The following SUGCT variants were observed in gnomAD, a reference collection of about 807,000 sequenced individuals.
SUGCT encodes the protein succinyl-CoA:glutarate CoA-transferase.
In SUGCT, 41 loss-of-function variants were observed where a neutral mutation model predicts 55.0. That is an observed-to-expected ratio of 0.74 (90% CI 0.58 to 0.97). SUGCT has a LOEUF of 0.97. Among genes scored for constraint, SUGCT ranks in the 50% least tolerant of loss-of-function variants. SUGCT has a pLI of 0.00. For missense variants in SUGCT, 568 were observed against 547.8 expected (o/e 1.04, Z -0.37); for synonymous variants, 187 against 200.4 (o/e 0.93, Z 0.56).
intron 12 of SUGCT, among the ~76,000 whole-genome samples, chr7:40,665,995 A>G (rs1801609996): frequency 6.6e-6 from 1 of 152,066 alleles, no homozygotes; most frequent in African/African-American, 2.4e-5. Context: ...TAGAGAGAAT[A>G]GGATTTGATC....
chr7:40,505,394 TTA>T (rs1334328424), intron 12 of SUGCT, among the ~76,000 whole-genome samples: 6 of 152,126 alleles, frequency 3.9e-5, no homozygotes, highest in Non-Finnish European at 8.8e-5. Context: ...CCATTTTGCT[TTA>T]TGTTTTCTAT....
chr7:40,253,847 T>C (rs1444407768), intron 7 of SUGCT, among the ~76,000 whole-genome samples: 1 of 152,244 alleles, frequency 6.6e-6, no homozygotes, highest in African/African-American at 2.4e-5. Flanking sequence ...ACTAGATTCT[T>C]AGTTAGTTCA....
chr7:40,465,694 TA>T (rs1790066753), intron 11 of SUGCT, among the ~76,000 whole-genome samples: 1 of 152,134 alleles, frequency 6.6e-6, no homozygotes, highest in Non-Finnish European at 1.5e-5. Context: ...TGAATAGATT[TA>T]TACAAAATAC....
At chr7:40,357,662 T>C (rs995415683) in intron 9 of SUGCT, among the ~76,000 whole-genome samples, 4 of 152,248 alleles carry the variant, frequency 2.6e-5, no homozygotes, top group Non-Finnish European at 5.9e-5. Flanking sequence ...CACTGACATT[T>C]CAATTGCATG....
At chr7:40,946,895 CTT>C in the SUGCT span, among the ~76,000 whole-genome samples, 1 of 152,210 alleles carries the variant, frequency 6.6e-6, no homozygotes, top group South Asian at 2.1e-4. Context: ...AGGCTTCTCT[CTT>C]TGGTTTATCC....
chr7:40,406,155 G>A (rs1191622212), intron 9 of SUGCT, among the ~76,000 whole-genome samples: 2 of 152,154 alleles, frequency 1.3e-5, no homozygotes, highest in African/African-American at 4.8e-5. Flanking sequence ...AGCTGAAGCT[G>A]TCTTCTTGCT....
chr7:40,246,599 CTTTT>C (rs113716606), intron 7 of SUGCT, among the ~76,000 whole-genome samples: 2 of 137,320 alleles, frequency 1.5e-5, no homozygotes, highest in African/African-American at 5.4e-5. Context: ...TGAAGGCTTG[CTTTT>C]TTTTTTTTTT....
At chr7:40,526,924 G>A (rs944988749) in intron 12 of SUGCT, among the ~76,000 whole-genome samples, 1 of 151,898 alleles carries the variant, frequency 6.6e-6, no homozygotes, top group African/African-American at 2.4e-5. Flanking sequence ...ATGATGTTCG[G>A]GTCTATCTTG....
the SUGCT span, among the ~76,000 whole-genome samples, chr7:40,933,739 C>T: frequency 1.8e-4 from 27 of 152,272 alleles, no homozygotes; most frequent in Middle Eastern, 3.4e-3. Flanking sequence ...TACTGAAGCT[C>T]GTGCATGCAT....
chr7:40,981,432 C>G, the SUGCT span, among the ~76,000 whole-genome samples: 1 of 152,056 alleles, frequency 6.6e-6, no homozygotes, highest in Non-Finnish European at 1.5e-5. Flanking sequence ...GTTAAGATGG[C>G]TGATTAAATG....
intron 13 of SUGCT, among the ~76,000 whole-genome samples, chr7:40,754,552 A>G (rs1295245037): frequency 6.6e-6 from 1 of 152,214 alleles, no homozygotes; most frequent in East Asian, 1.9e-4. Context: ...GGCCAGGGAA[A>G]CAGGCATGAA....
chr7:40,875,111 A>T, the SUGCT span, among the ~76,000 whole-genome samples: 6 of 152,266 alleles, frequency 3.9e-5, no homozygotes, highest in Admixed American at 3.3e-4. Flanking sequence ...TTTACTGCGC[A>T]CATGTTTTCT....
Position 40,187,914 on chromosome 7 carries a change from C to T in SUGCT, c.227-581C>T, listed in dbSNP as rs535808947. ...GTGCGGTGGCTCATACCTGTAATCC[C>T]AGCACTTTGGGAGGCTGAGGCGGGT... On this transcript the variant is annotated intron_variant, in intron 3 of 13. Transcript: ENST00000335693. Among the ~76,000 whole-genome samples, 6 of 151,930 alleles carry T rather than the reference C, an allele frequency of 3.9e-5. No individual in the cohort carries two copies. The East Asian group carries it at 1.2e-3, about 29-fold the overall frequency.
chr7:40,705,805 C>T (rs1051702271), intron 12 of SUGCT, among the ~76,000 whole-genome samples: 2 of 152,186 alleles, frequency 1.3e-5, no homozygotes, highest in African/African-American at 4.8e-5. Context: ...GAAAACAGCA[C>T]CATCTTCTGC....
chr7:40,822,097 G>A (rs1320028260), intron 13 of SUGCT, among the ~76,000 whole-genome samples: 1 of 152,180 alleles, frequency 6.6e-6, no homozygotes, highest in African/African-American at 2.4e-5. Context: ...TTCATCCTGA[G>A]TTATAGTTTG....
chr7:40,244,420 T>TCAGGACATAAG (rs1789677702), intron 7 of SUGCT, among the ~76,000 whole-genome samples: 1 of 152,144 alleles, frequency 6.6e-6, no homozygotes, highest in African/African-American at 2.4e-5. Flanking sequence ...AGTTAAGGTT[T>TCAGGACATAAG]CAGGACATAA....
At chr7:40,560,372 G>A (rs151056606) in intron 12 of SUGCT, among the ~76,000 whole-genome samples, 3 of 152,274 alleles carry the variant, frequency 2.0e-5, no homozygotes, top group East Asian at 1.9e-4. Context: ...TGTCCAATGG[G>A]CAGAGAGACA....
At chr7:41,020,197 G>A in the SUGCT span, among the ~76,000 whole-genome samples, 1 of 152,182 alleles carries the variant, frequency 6.6e-6, no homozygotes, top group African/African-American at 2.4e-5. Context: ...GAGCCTTAAA[G>A]GGGAAAAGTC....
At chr7:40,658,836 A>G (rs1465913261) in intron 12 of SUGCT, among the ~76,000 whole-genome samples, 1 of 152,086 alleles carries the variant, frequency 6.6e-6, no homozygotes, top group African/African-American at 2.4e-5. Flanking sequence ...TGTGTAACCC[A>G]TGGCTTTTGC....
Sources: allele counts gnomAD v4.1 joint callset (sites outside exome capture counted in the v4.1 genomes callset), GRCh38; gene constraint gnomAD v4.1.1; transcripts MANE v1.5; gene names NCBI Gene and HGNC (gene_info 2026-07-23, HGNC 2026-07-21).